The following SUMF1 variants were observed in gnomAD, a reference collection of about 807,000 sequenced individuals.
SUMF1 encodes formylglycine-generating enzyme.
Under a neutral mutation model 47.6 loss-of-function variants are expected in SUMF1, and 48 were observed. That is an observed-to-expected ratio of 1.01 (90% CI 0.80 to 1.28). SUMF1 has a LOEUF of 1.28. Ranked by LOEUF, SUMF1 falls within the 50% of genes most tolerant of loss-of-function variation. The pLI is 0.00. For synonymous variants in SUMF1, 230 were observed against 192.1 expected (o/e 1.20, Z -1.63); for missense variants, 571 against 485.4 (o/e 1.18, Z -1.66).
chr3:4,242,697 G>A (rs1427593021), intron 8 of SUMF1, among the ~76,000 whole-genome samples: 2 of 152,112 alleles, frequency 1.3e-5, no homozygotes, highest in African/African-American at 4.8e-5. Flanking sequence ...GAGGACTTTT[G>A]CATCGATGTT....
At chr3:4,345,718 C>A (rs1679168762) in intron 8 of SUMF1, among the ~76,000 whole-genome samples, 1 of 152,048 alleles carries the variant, frequency 6.6e-6, no homozygotes, top group Admixed American at 6.6e-5. Context: ...CTAAATACCC[C>A]AGTTAAAAGA....
chr3:4,211,153 T>G (rs905931890), intron 8 of SUMF1, among the ~76,000 whole-genome samples: 1 of 127,840 alleles, frequency 7.8e-6, no homozygotes, highest in African/African-American at 3.0e-5. Flanking sequence ...CATATACATA[T>G]ATATACATAT....
chr3:4,288,669 G>A (rs1019585477), intron 8 of SUMF1, among the ~76,000 whole-genome samples: 2 of 152,084 alleles, frequency 1.3e-5, no homozygotes, highest in Non-Finnish European at 2.9e-5. Context: ...ATGGTGGCAT[G>A]CACCTGTAAT....
chr3:4,229,502 C>A (rs73806957), intron 8 of SUMF1, among the ~76,000 whole-genome samples: 4,137 of 152,198 alleles, frequency 0.027, 179 homozygotes, highest in African/African-American at 0.094. Context: ...GTTCTCTCAT[C>A]TATGAAATTA....
intron 8 of SUMF1, among the ~76,000 whole-genome samples, chr3:4,203,337 ACTTT>A (rs113123104): frequency 4.0e-5 from 6 of 151,744 alleles, no homozygotes; most frequent in Non-Finnish European, 5.9e-5. Flanking sequence ...ATCATTAATG[ACTTT>A]CTTTGTTTCT....
intron 8 of SUMF1, among the ~76,000 whole-genome samples, chr3:4,253,466 G>A (rs189893480): frequency 6.6e-6 from 1 of 152,258 alleles, no homozygotes; most frequent in East Asian, 1.9e-4. Context: ...CAAGGGGTCA[G>A]GGAGTTCCCT....
chr3:4,239,152 G>A (rs764989660), intron 8 of SUMF1, among the ~76,000 whole-genome samples: 5 of 152,112 alleles, frequency 3.3e-5, no homozygotes, highest in East Asian at 3.8e-4. Flanking sequence ...TTTGGTACCC[G>A]TACCATGCTA....
rs576974655 is a variant in SUMF1, at chr3:4,211,863, C to T, written c.1015-143118G>A. ...GCCCACTGCAGTTCAGCAAGGCCTC[C>T]GCAGCCAAACTGCCAGAGTTCTCCT... On this transcript the variant is annotated intron_variant and NMD_transcript_variant, in intron 8 of 12. Coordinates refer to the SUMF1 transcript ENST00000448413. 7.9e-5 allele frequency among the ~76,000 whole-genome samples: 12 copies of T among 152,238 alleles called. No homozygotes were observed. The East Asian group carries it at 2.1e-3, about 27-fold the overall frequency.
intron 7 of SUMF1, among the ~76,000 whole-genome samples, chr3:4,389,068 G>A (rs1700766194): frequency 1.3e-5 from 2 of 152,084 alleles, no homozygotes; most frequent in East Asian, 1.9e-4. Flanking sequence ...CTTCCAGTCC[G>A]ATATTCAAAA....
chr3:4,180,584 T>C (rs1186427971), intron 8 of SUMF1, among the ~76,000 whole-genome samples: 1 of 151,740 alleles, frequency 6.6e-6, no homozygotes, highest in Non-Finnish European at 1.5e-5. Flanking sequence ...AGGAGAAATA[T>C]CTAATGTAAG....
rs537642211 is a variant in SUMF1 at position 4,389,720 on chromosome 3, T to C, written c.955-13331A>G. 5.9e-5 allele frequency among the ~76,000 whole-genome samples: 9 copies of C among 152,260 alleles called. No homozygotes were observed. The East Asian group carries it at 1.3e-3, about 23-fold the overall frequency. On this transcript the variant is annotated intron_variant, in intron 7 of 8. Coordinates refer to ENST00000272902, the MANE Select transcript of SUMF1 (RefSeq NM_182760.4). Reference sequence around the variant, plus strand: ...TTCTAGTTGACAGTTCACTGATTTTTCCCCCCTCTGTGCCCTCCATTCTGC... The same window carrying C: ...TTCTAGTTGACAGTTCACTGATTTTCCCCCCCTCTGTGCCCTCCATTCTGC...
chr3:4,170,436 C>T (rs527314318), intron 8 of SUMF1, among the ~76,000 whole-genome samples: 2 of 152,230 alleles, frequency 1.3e-5, no homozygotes, highest in African/African-American at 2.4e-5. Flanking sequence ...TGAGAACTGC[C>T]GCTTTAAGTT....
intron 3 of SUMF1, among the ~76,000 whole-genome samples, chr3:4,440,032 G>A (rs1432925809): frequency 2.0e-5 from 3 of 152,044 alleles, no homozygotes; most frequent in Admixed American, 6.5e-5. Context: ...TCAGAAATTC[G>A]AGACCAGCCT....
At chr3:4,305,217 C>G (rs1698142988) in intron 8 of SUMF1, among the ~76,000 whole-genome samples, 1 of 152,112 alleles carries the variant, frequency 6.6e-6, no homozygotes, top group South Asian at 2.1e-4. Context: ...TCCCGAGTAG[C>G]TGGAATTACA....
At chr3:4,220,619 T>C (rs1696040586) in intron 8 of SUMF1, among the ~76,000 whole-genome samples, 1 of 152,064 alleles carries the variant, frequency 6.6e-6, no homozygotes, top group African/African-American at 2.4e-5. Context: ...ATGTTTTAGG[T>C]TTTTATCTTT....
intron 8 of SUMF1, among the ~76,000 whole-genome samples, chr3:4,243,400 G>C (rs1345207651): frequency 1.3e-5 from 2 of 152,178 alleles, no homozygotes; most frequent in Non-Finnish European, 2.9e-5. Flanking sequence ...TGGGCATTTA[G>C]TGCTATAAAT....
At chr3:4,055,218 C>T (rs41373548) in intron 9 of SUMF1, among the ~76,000 whole-genome samples, 7,078 of 151,884 alleles carry the variant, frequency 0.047, 579 homozygotes, top group African/African-American at 0.16. Context: ...TACAATGAAA[C>T]GGAAAAATGT....
chr3:4,359,310 C>T (rs1243295366), downstream of SUMF1, among the ~76,000 whole-genome samples: 1 of 152,142 alleles, frequency 6.6e-6, no homozygotes, highest in Non-Finnish European at 1.5e-5. Context: ...CAGGGTCTTG[C>T]TCTGTTGCCC....
downstream of SUMF1, among the ~76,000 whole-genome samples, chr3:4,356,424 TG>T (rs1699619471): frequency 1.3e-5 from 2 of 151,586 alleles, no homozygotes; most frequent in African/African-American, 2.4e-5. Flanking sequence ...GGGGACAGCG[TG>T]GGGACAGCGT....
Sources: allele counts gnomAD v4.1 joint callset (sites outside exome capture counted in the v4.1 genomes callset), GRCh38; gene constraint gnomAD v4.1.1; transcripts MANE v1.5; gene names NCBI Gene and HGNC (gene_info 2026-07-23, HGNC 2026-07-21).